Variants in KPNA6 observed in about 807,000 individuals in gnomAD.
KPNA6 encodes the protein karyopherin subunit alpha 6, also known as importin subunit alpha-7.
A neutral mutation model predicts 72.0 loss-of-function variants in KPNA6; 9 were observed. The observed-to-expected ratio is 0.13, with a 90% CI of 0.08 to 0.22. The LOEUF is 0.22. Among genes scored for constraint, KPNA6 ranks in the 10% least tolerant of loss-of-function variants. The pLI is 1.00. For synonymous variants in KPNA6, 219 were observed against 242.1 expected, an observed-to-expected ratio of 0.90 and a Z score of 0.89; for missense variants, 374 against 655.7, an observed-to-expected ratio of 0.57 and a Z score of 4.69.
chr1:32,141,891 C>T (rs896489395), intron 1 of KPNA6, among the ~76,000 whole-genome samples: 2 of 152,006 alleles, frequency 1.3e-5, no homozygotes, highest in African/African-American at 4.8e-5. Flanking sequence ...CGAGGGCCAC[C>T]ATAACAAAGA....
chr1:32,151,302 A>C (rs1001011654), intron 1 of KPNA6, among the ~76,000 whole-genome samples: 1 of 152,072 alleles, frequency 6.6e-6, no homozygotes, highest in African/African-American at 2.4e-5. Context: ...GGTCTCTACT[A>C]TGCCCTAAGT....
chr1:32,142,804 G>A (rs1025064352), intron 1 of KPNA6: 5 of 414,762 alleles, frequency 1.2e-5, no homozygotes, highest in African/African-American at 6.3e-5. Flanking sequence ...GGATCCCTGA[G>A]ATTCCAGATG....
chr1:32,119,028 A>ATTTTTTTT (rs1197600051), intron 1 of KPNA6, among the ~76,000 whole-genome samples: 12 of 63,178 alleles, frequency 1.9e-4, no homozygotes, highest in African/African-American at 8.7e-4. Context: ...ATATATATAT[A>ATTTTTTTT]TATATTTTTT....
intron 1 of KPNA6, among the ~76,000 whole-genome samples, chr1:32,127,899 A>G (rs1179638306): frequency 6.6e-6 from 1 of 152,162 alleles, no homozygotes; most frequent in Admixed American, 6.6e-5. Context: ...TAAGTTGTAA[A>G]GCTTCCTGAA....
chr1:32,166,625 A>T (rs1642343883), intron 11 of KPNA6, among the ~76,000 whole-genome samples: 1 of 128,152 alleles, frequency 7.8e-6, no homozygotes, highest in African/African-American at 3.0e-5. Flanking sequence ...ACTCCGTCTC[A>T]AAAAAAAAAA....
intron 7 of KPNA6, 118 bp downstream of exon 7, chr1:32,160,821 G>T (rs1402524842): frequency 1.4e-6 from 1 of 710,148 alleles, no homozygotes; most frequent in African/African-American, 1.8e-5. Context: ...CTATAAAAAT[G>T]CATTCTGATT....
In KPNA6 at chr1:32,108,468, C is replaced by G. The variant is rs564911012; in HGVS notation, c.4+334C>G. ...CAGACTGGGGCTGGGGGACGGGCTC[C>G]CGGCGGCAGGCCTGGGCGGCGCTAA... On this transcript the variant is annotated intron_variant, in intron 1 of 13. Transcript: ENST00000373625. Among the ~76,000 whole-genome samples the G allele has an allele frequency of 6.4e-4, 98 of 152,344 alleles. 1 individual carries two copies. The highest frequency in any genetic ancestry group is 1.0e-3 in the Admixed American group (16 of 15,304).
At chr1:32,114,254 ATGTGGTGAAACCTTGTCTCT>A (rs1229401729) in intron 1 of KPNA6, among the ~76,000 whole-genome samples, 1 of 151,992 alleles carries the variant, frequency 6.6e-6, no homozygotes, top group African/African-American at 2.4e-5. Flanking sequence ...AGCCTGGCCA[ATGTGGTGAAACCTTGTCTCT>A]ACTAGAAATA....
chr1:32,122,466 TG>T (rs1641450367), intron 1 of KPNA6, among the ~76,000 whole-genome samples: 1 of 151,384 alleles, frequency 6.6e-6, no homozygotes, highest in African/African-American at 2.4e-5. Context: ...TTTGATGGCA[TG>T]GAAGTGCTAA....
chr1:32,151,287 C>A (rs1420776742), intron 1 of KPNA6, among the ~76,000 whole-genome samples: 1 of 152,144 alleles, frequency 6.6e-6, no homozygotes, highest in Non-Finnish European at 1.5e-5. Context: ...CATAGCCCTT[C>A]TTAGGGTCTC....
At chr1:32,138,116 C>G (rs1358231719) in intron 1 of KPNA6, among the ~76,000 whole-genome samples, 1 of 133,788 alleles carries the variant, frequency 7.5e-6, no homozygotes, top group Non-Finnish European at 1.6e-5. Context: ...GCCTGGATGA[C>G]AAGAGTGAAA....
chr1:32,119,008 A>G lies in KPNA6; in HGVS notation c.4+10874A>G, dbSNP rs1216031767. Among the ~76,000 whole-genome samples the G allele has an allele frequency of 3.8e-3, 249 of 64,926 alleles. 1 individual carries two copies. Among genetic ancestry groups the G allele is most frequent in the East Asian group, 0.014 (34 of 2,508 alleles). The allele number at this position is 64,926 out of a possible 152,430, so 42.6% of individuals were successfully genotyped here. On this transcript the variant is annotated intron_variant, in intron 1 of 13. Transcript: ENST00000373625. ...TGTGTGTGTGTATACATATATATAT[A>G]TATATATATATATATATATATATAT...
At chr1:32,132,159 C>CA (rs897440384) in intron 1 of KPNA6, among the ~76,000 whole-genome samples, 3 of 151,882 alleles carry the variant, frequency 2.0e-5, no homozygotes, top group African/African-American at 7.3e-5. Flanking sequence ...TTAGTAGAGA[C>CA]AGAGTTTCAC....
At chr1:32,119,184 C>A (rs552786889) in intron 1 of KPNA6, among the ~76,000 whole-genome samples, 1 of 151,268 alleles carries the variant, frequency 6.6e-6, no homozygotes, top group East Asian at 1.9e-4. Flanking sequence ...GCATCCACAA[C>A]CACGCCTGGC....
chr1:32,118,549 C>T (rs950339025), intron 1 of KPNA6, among the ~76,000 whole-genome samples: 2 of 151,856 alleles, frequency 1.3e-5, no homozygotes, highest in African/African-American at 4.8e-5. Context: ...ATTCCTAGCA[C>T]TTTGGGAGGC....
At position 32,161,296 on chromosome 1, in the gene KPNA6, A is replaced by T. The variant is rs1007033801; in HGVS notation, c.647+593A>T. 3.3e-5 allele frequency among the ~76,000 whole-genome samples: 5 copies of T among 152,298 alleles called. No individual in the cohort carries two copies. The East Asian group carries it at 9.6e-4, about 29-fold the overall frequency. On this transcript the variant is annotated intron_variant, in intron 7 of 13. Transcript: ENST00000373625. ...GAGGCAGGACTAGCCCACCTGGAAA[A>T]ATCCAACCTTCTCTACAAAATGCAT...
rs190061892 is a variant in KPNA6, at chr1:32,160,836, A to G, written c.647+133A>G. On this transcript the variant is annotated intron_variant, in intron 7 of 13. Coordinates refer to ENST00000373625, the MANE Select transcript of KPNA6 (RefSeq NM_012316.5). ...CTATAAAAATGCATTCTGATTGCCA[A>G]AGTAAAAGATAGGTATCTTTGGAGA... The G allele has an allele frequency of 1.1e-4, 74 of 663,598 alleles. No homozygotes were observed. In the Admixed American group the frequency reaches 1.6e-3, roughly 14 times the overall value. 41.1% of individuals were successfully genotyped at this position (663,598 alleles called of 1,614,324 possible).
intron 1 of KPNA6, among the ~76,000 whole-genome samples, chr1:32,151,686 C>T (rs534476820): frequency 1.3e-5 from 2 of 152,180 alleles, no homozygotes; most frequent in Non-Finnish European, 2.9e-5. Context: ...TCACTTAATT[C>T]GTTTCCCTCT....
chr1:32,152,578 G>A (rs562513727), intron 1 of KPNA6, among the ~76,000 whole-genome samples: 1 of 152,250 alleles, frequency 6.6e-6, no homozygotes, highest in African/African-American at 2.4e-5. Flanking sequence ...AGGCACGGTG[G>A]CTCACACCTG....
Sources: allele counts gnomAD v4.1 joint callset (sites outside exome capture counted in the v4.1 genomes callset), GRCh38; gene constraint gnomAD v4.1.1; transcripts MANE v1.5; gene names NCBI Gene and HGNC (gene_info 2026-07-23, HGNC 2026-07-21).